Variants in ZBTB49 observed in about 807,000 individuals in gnomAD.
ZBTB49 encodes zinc finger and BTB domain-containing protein 49.
A neutral mutation model predicts 57.5 loss-of-function variants in ZBTB49; 43 were observed. That is an observed-to-expected ratio of 0.75 (90% CI 0.59 to 0.97). The LOEUF (loss-of-function observed/expected upper bound fraction) is 0.97, where lower values mean the gene tolerates loss of function less well. ZBTB49 is among the 50% of genes least tolerant of loss of function. The probability of loss-of-function intolerance (pLI) is 0.00; values close to 1 mark genes in which losing one functional copy is unlikely to be tolerated. For synonymous variants in ZBTB49, 369 were observed against 362.1 expected, an observed-to-expected ratio of 1.02 and a Z score of -0.22; for missense variants, 938 against 947.7, an observed-to-expected ratio of 0.99 and a Z score of 0.13.
intron 7 of ZBTB49, among the ~76,000 whole-genome samples, chr4:4,317,810 T>A (rs148055563): frequency 2.0e-5 from 3 of 152,296 alleles, no homozygotes; most frequent in African/African-American, 7.2e-5. Context: ...CTTCCCTGTC[T>A]TCCCCCAGCA....
At position 4,302,590 on chromosome 4, in the gene ZBTB49, G is replaced by A; in HGVS notation, c.754G>A (p.Val252Ile). 6.2e-7 allele frequency: 1 copy of A among 1,613,934 alleles called. No homozygotes were observed. The highest frequency in any genetic ancestry group is 8.5e-7 in the Non-Finnish European group (1 of 1,179,930). ...AFSTSTDLTT[V>I]ESQPCAVSHS... Reference sequence around the variant, plus strand: ...CAGCACCTCTACAGACCTTACCACGGTAGAGAGCCAGCCTTGTGCCGTCAG... The same window carrying A: ...CAGCACCTCTACAGACCTTACCACGATAGAGAGCCAGCCTTGTGCCGTCAG... Residue 252 changes from valine (V) to isoleucine (I), a missense_variant, in exon 3 of 8, where the codon GTA becomes ATA. Around this residue, in one of 3 missense-constraint regions of ZBTB49, gnomAD observed 835 missense variants for 819.1 expected, o/e 1.02. Coordinates refer to ENST00000337872, the MANE Select transcript of ZBTB49 (RefSeq NM_145291.4).
chr4:4,299,772 CAG>C (rs1253129491), intron 1 of ZBTB49, among the ~76,000 whole-genome samples, 153 bp from the exon 2 acceptor site: 9 of 103,696 alleles, frequency 8.7e-5, no homozygotes, highest in Non-Finnish European at 1.4e-4. Context: ...GCCTCAGAAA[CAG>C]AGGTGTGTGT....
chr4:4,310,443 G>A lies in ZBTB49; in HGVS notation c.1303-2598G>A, dbSNP rs929015397. 4.6e-5 allele frequency among the ~76,000 whole-genome samples: 7 copies of A among 151,924 alleles called. No homozygotes were observed. In the South Asian group the frequency reaches 8.3e-4, roughly 18 times the overall value. Reference sequence around the variant, plus strand: ...GACTAAGTTAAATACTCTTCGCAACGGTTTAGCAAAGAGCTTCATTCATAG... The same window carrying A: ...GACTAAGTTAAATACTCTTCGCAACAGTTTAGCAAAGAGCTTCATTCATAG... On this transcript the variant is annotated intron_variant, in intron 4 of 7. Transcript: ENST00000337872.
intron 4 of ZBTB49, among the ~76,000 whole-genome samples, chr4:4,309,166 A>C (rs1720868757): frequency 6.6e-6 from 1 of 152,270 alleles, no homozygotes; most frequent in African/African-American, 2.4e-5. Context: ...TTTAGTATTT[A>C]GTAGGTTAGT....
chr4:4,303,174 G>C (rs1307200195), intron 3 of ZBTB49, 83 bp downstream of exon 3: 10 of 1,424,714 alleles, frequency 7.0e-6, no homozygotes, highest in Non-Finnish European at 9.3e-6. Context: ...GTTTTTGTAA[G>C]AAGTTTTGCT....
intron 1 of ZBTB49, among the ~76,000 whole-genome samples, chr4:4,298,911 TG>T (rs1371983525): frequency 1.3e-5 from 2 of 152,230 alleles, no homozygotes; most frequent in African/African-American, 4.8e-5. Context: ...GGCACTTTCG[TG>T]TGTGTGTTTC....
At position 4,297,443 on chromosome 4, in the gene ZBTB49, A is replaced by G. The variant is rs527691985; in HGVS notation, c.-19-2484A>G. Among the ~76,000 whole-genome samples, 12 of 152,078 alleles carry G rather than the reference A, an allele frequency of 7.9e-5. No individual in the cohort carries two copies. In the South Asian group the frequency reaches 2.5e-3, roughly 32 times the overall value. ...GAGGGAAAGAGACGTGATGGGAATG[A>G]AGACACTGGGAAGATCACAGAGGAG... is the stretch of plus-strand genomic sequence containing the variant. On this transcript the variant is annotated intron_variant, in intron 1 of 7. Transcript: ENST00000337872.
At chr4:4,303,870 G>A (rs1325456635) in intron 3 of ZBTB49, among the ~76,000 whole-genome samples, 1 of 151,454 alleles carries the variant, frequency 6.6e-6, no homozygotes, top group East Asian at 1.9e-4. Flanking sequence ...GAGTTTAATA[G>A]CACATTACAG....
At chr4:4,300,202 T>C in intron 2 of ZBTB49, 105 bp downstream of exon 2, 1 of 1,259,602 alleles carries the variant, frequency 7.9e-7, no homozygotes, top group East Asian at 2.4e-5. Context: ...TATCTTTATC[T>C]TTTATAGCAC....
intron 1 of ZBTB49, among the ~76,000 whole-genome samples, chr4:4,299,550 C>G (rs1245197853): frequency 6.6e-6 from 1 of 151,554 alleles, no homozygotes; most frequent in African/African-American, 2.4e-5. Flanking sequence ...AAGTAGATAC[C>G]GAGAAGTACA....
rs774822172 is a variant in ZBTB49 at position 4,315,931 on chromosome 4, C to T, written c.1582C>T (p.Arg528Trp). The change falls in exon 7 of 8, where the codon CGG (arginine) becomes TGG (tryptophan). Residue 528 changes from arginine to tryptophan, a missense_variant. Coordinates refer to ENST00000337872, the MANE Select transcript of ZBTB49 (RefSeq NM_145291.4). ...MQRKLVKHRIRHTGERPYSCS... is the reference protein window; with the variant it reads ...MQRKLVKHRIWHTGERPYSCS... ...AAGGAAGTTAGTAAAGCACAGAATT[C>T]GGCACACGGGGGAGCGGCCTTACAG... is the stretch of plus-strand genomic sequence containing the variant. 3.7e-6 allele frequency: 6 copies of T among 1,613,962 alleles called. No homozygotes were observed. In the African/African-American group the frequency reaches 4.0e-5, roughly 11 times the overall value.
intron 1 of ZBTB49, among the ~76,000 whole-genome samples, chr4:4,290,958 C>A (rs983441003): frequency 2.6e-5 from 4 of 152,244 alleles, no homozygotes; most frequent in African/African-American, 7.2e-5. Flanking sequence ...GTTAGCTCTT[C>A]TCAGCCCTTA....
At chr4:4,293,986 G>A (rs1720066604) in intron 1 of ZBTB49, among the ~76,000 whole-genome samples, 1 of 152,316 alleles carries the variant, frequency 6.6e-6, no homozygotes, top group Non-Finnish European at 1.5e-5. Context: ...GAGAATTTGT[G>A]GCCATCTTAA....
chr4:4,300,160 A>C, intron 2 of ZBTB49, 63 bp downstream of exon 2: 1 of 1,550,034 alleles, frequency 6.5e-7, no homozygotes, highest in Admixed American at 1.8e-5. Flanking sequence ...TTAGTATGGA[A>C]GTATTCATAT....
Position 4,302,216 on chromosome 4 carries a change from G to A in ZBTB49, c.380G>A (p.Gly127Asp). The change falls in exon 3 of 8, where the codon GGC becomes GAC. Residue 127 changes from glycine to aspartate, a missense_variant. By Grantham distance (94) the Gly-to-Asp change is moderately conservative. Transcript: ENST00000337872. Reference sequence around the variant, plus strand: ...TCAGCCACTGTAGTACAGCCACCTGGCATGCCTTGTAATAGTACATTGTCT... The same window carrying A: ...TCAGCCACTGTAGTACAGCCACCTGACATGCCTTGTAATAGTACATTGTCT... ...LKSATVVQPPGMPCNSTLSLQ... is the reference protein window; with the variant it reads ...LKSATVVQPPDMPCNSTLSLQ... The A allele has an allele frequency of 1.2e-6, 2 of 1,614,230 alleles. No homozygotes were observed. The highest frequency in any genetic ancestry group is 4.5e-5 in the East Asian group (2 of 44,892).
Position 4,303,756 on chromosome 4 carries a change from C to CTG in ZBTB49, c.1255+666_1255+667insGT, listed in dbSNP as rs536603082. On this transcript the variant is annotated intron_variant, in intron 3 of 7. Coordinates refer to ENST00000337872, the MANE Select transcript of ZBTB49 (RefSeq NM_145291.4). ...TCTCTCTCTCTCTCTCTCTCTCTCT[C>CTG]TCTCTGTGTGTGTGTCTCTCTCTCT... 6.8e-4 allele frequency among the ~76,000 whole-genome samples: 64 copies of CTG among 93,596 alleles called. 2 individuals carry two copies. Among genetic ancestry groups the CTG allele is most frequent in the East Asian group, 1.6e-3 (7 of 4,464 alleles). 61.4% of individuals were successfully genotyped at this position (93,596 alleles called of 152,430 possible). A position where few individuals can be genotyped will look rare whatever the true frequency, so the allele number is the denominator to read the frequency against.
At chr4:4,301,858 T>C (rs1294065940) in intron 2 of ZBTB49, 131 bp from the exon 3 acceptor site, 7 of 949,616 alleles carry the variant, frequency 7.4e-6, no homozygotes, top group Admixed American at 3.8e-5. Flanking sequence ...AGGATTAAAA[T>C]GTACTTATGT....
At chr4:4,295,424 C>G (rs1232581424) in intron 1 of ZBTB49, among the ~76,000 whole-genome samples, 3 of 152,232 alleles carry the variant, frequency 2.0e-5, no homozygotes, top group Admixed American at 6.5e-5. Context: ...CCAACAGGTC[C>G]CTCCCCTGAC....
chr4:4,312,960 C>A, intron 4 of ZBTB49, 81 bp from the exon 5 acceptor site: 2 of 1,428,124 alleles, frequency 1.4e-6, no homozygotes, highest in South Asian at 1.2e-5. Flanking sequence ...CTAAATGTGT[C>A]AGTTTTCCTT....
Sources: gnomAD v4.1 joint callset for allele counts (sites outside exome capture counted in the v4.1 genomes callset) on GRCh38, gnomAD v4.1.1 for gene constraint, gnomAD v4.1.1 regional missense constraint, MANE v1.5 for transcripts, NCBI Gene and HGNC (gene_info 2026-07-23, HGNC 2026-07-21) for gene names.